GSDMA: variants seen among roughly 807,000 people sequenced by gnomAD.
GSDMA encodes the protein gasdermin A.
GSDMA carries 55 observed loss-of-function variants against 54.3 expected under a neutral mutation model. The observed-to-expected ratio is 1.01, with a 90% CI of 0.82 to 1.27. The LOEUF (loss-of-function observed/expected upper bound fraction) is 1.27. Among genes scored for constraint, GSDMA ranks in the 50% most tolerant of loss-of-function variants. The pLI is 0.00. For synonymous variants in GSDMA, 211 were observed against 224.7 expected (o/e 0.94, Z 0.54); for missense variants, 542 against 542.6 (o/e 1.00, Z 0.01).
In GSDMA at chr17:39,971,510, T is replaced by C. The variant is rs1334326923; in HGVS notation, c.559-14T>C. ...ATGTCCAGAGATTCACAAATTCTCA[T>C]TGTCTAATTCTAGGGATCCATAAAT... On this transcript the variant is annotated splice_polypyrimidine_tract_variant and intron_variant, in intron 4 of 11. Transcript: ENST00000301659. 5 of 1,600,310 alleles carry C rather than the reference T, an allele frequency of 3.1e-6. No homozygotes were observed. The highest frequency in any genetic ancestry group is 4.3e-6 in the Non-Finnish European group (5 of 1,167,696).
rs781138630 is a variant in GSDMA at position 39,971,572 on chromosome 17, C to T, written c.607C>T (p.Leu203=). ...EAVTIPKGCV[L]AFRVRQLMVK... is the part of the protein sequence containing the mutation. ...TGTAACCATCCCCAAGGGCTGCGTC[C>T]TGGCCTTTCGAGTGAGACAGCTGAT... The change falls in exon 5 of 12, where the codon CTG becomes TTG. Residue 203 remains leucine (L), a synonymous_variant. Transcript: ENST00000301659. 3 of 1,613,958 alleles carry T rather than the reference C, an allele frequency of 1.9e-6. No individual in the cohort carries two copies. The highest frequency in any genetic ancestry group is 2.5e-6 in the Non-Finnish European group (3 of 1,179,862).
chr17:39,966,060 G>A (rs941386424), intron 2 of GSDMA, among the ~76,000 whole-genome samples, 159 bp downstream of exon 2: 2 of 152,124 alleles, frequency 1.3e-5, no homozygotes, highest in African/African-American at 4.8e-5. Context: ...GTGGTCGGGG[G>A]GATACCTCTC....
In GSDMA at chr17:39,966,413, A is replaced by C; in HGVS notation, c.368A>C (p.Lys123Thr). Residue 123 changes from lysine to threonine, a missense_variant, in exon 3 of 12, where the codon AAG becomes ACG. By Grantham distance (78) the Lys-to-Thr change is moderately conservative (BLOSUM62 -1). Transcript: ENST00000301659. ...LEVQTLSVAP[K>T]ALETVQERKL... ...GTCCAGACACTCAGTGTGGCTCCCA[A>C]GGCCCTGGAGACCGTGCAGGAGAGG... is the stretch of plus-strand genomic sequence containing the variant. The C allele has an allele frequency of 6.2e-7, 1 of 1,611,146 alleles. No homozygotes were observed. Among genetic ancestry groups the C allele is most frequent in the Non-Finnish European group, 8.5e-7 (1 of 1,179,006 alleles).
rs1265511588 is a variant in GSDMA, at chr17:39,977,446, G to A, written c.*388G>A. On this transcript the variant is annotated 3_prime_UTR_variant, in exon 12 of 12. Transcript: ENST00000301659. Reference sequence around the variant, plus strand: ...AGCTGGAATTACAGGCACGTGCCACGACACCCAGCTAATTTTTGTATTTTT... The same window carrying A: ...AGCTGGAATTACAGGCACGTGCCACAACACCCAGCTAATTTTTGTATTTTT... 4.2e-5 allele frequency: 7 copies of A among 168,520 alleles called. No homozygotes were observed. The highest frequency in any genetic ancestry group is 9.0e-5 in the Non-Finnish European group (7 of 78,140). 10.4% of individuals were successfully genotyped at this position (168,520 alleles called of 1,614,324 possible). A position where few individuals can be genotyped will look rare whatever the true frequency, so the allele number is the denominator to read the frequency against.
At chr17:39,966,639 A>G (rs1979684146) in intron 3 of GSDMA, among the ~76,000 whole-genome samples, 1 of 152,128 alleles carries the variant, frequency 6.6e-6, no homozygotes, top group South Asian at 2.1e-4. Flanking sequence ...CGCTGCTGCC[A>G]CCGTCTCCAG....
At position 39,976,905 on chromosome 17, in the gene GSDMA, G is replaced by GGAGCT; in HGVS notation, c.1188_1192dup (p.Thr398SerfsTer2). 1 of 1,613,988 alleles carries GGAGCT rather than the reference G, an allele frequency of 6.2e-7. No individual in the cohort carries two copies. The highest frequency in any genetic ancestry group is 8.5e-7 in the Non-Finnish European group (1 of 1,179,898). On this transcript the variant is annotated frameshift_variant, in exon 12 of 12. Transcript: ENST00000301659. LOFTEE classifies it high-confidence loss of function. ...AGCTGCTCTCCTCCCTTGGGGACGA[G>GGAGCT]GAGCTGACCCTCACGGAGGCTCTAG...
Position 39,971,537 on chromosome 17 carries a change from A to C in GSDMA, c.572A>C (p.His191Pro). 6.2e-7 allele frequency: 1 copy of C among 1,613,310 alleles called. No homozygotes were observed. The highest frequency in any genetic ancestry group is 8.5e-7 in the Non-Finnish European group (1 of 1,179,266). The change falls in exon 5 of 12, where the codon CAC (histidine) becomes CCC (proline). Residue 191 changes from histidine (H) to proline (P), a missense_variant. His to Pro is a moderately conservative substitution (Grantham distance 77). Transcript: ENST00000301659. ...GTCTAATTCTAGGGATCCATAAATC[A>C]CAAGGAGGCTGTAACCATCCCCAAG... ...APLGLQGSIN[H>P]KEAVTIPKGC... is the part of the protein sequence containing the mutation.
At chr17:39,966,139 CT>C in intron 2 of GSDMA, 120 bp from the exon 3 acceptor site, 1 of 1,036,296 alleles carries the variant, frequency 9.6e-7, no homozygotes. Context: ...GTTGCCCAGG[CT>C]GGTTTCAAAC....
intron 3 of GSDMA, among the ~76,000 whole-genome samples, chr17:39,968,345 T>TTTTTTTTTTTTTTTTG (rs1979769725): frequency 9.0e-6 from 1 of 110,810 alleles, no homozygotes; most frequent in Non-Finnish European, 1.8e-5. Context: ...CGGTCTTTTT[T>TTTTTTTTTTTTTTTTG]TTTTTTTTTT....
At chr17:39,969,296 G>A (rs1237748235) in intron 3 of GSDMA, among the ~76,000 whole-genome samples, 1 of 149,936 alleles carries the variant, frequency 6.7e-6, no homozygotes, top group Non-Finnish European at 1.5e-5. Context: ...TCTGCAGTGA[G>A]TTATGATCGA....
intron 6 of GSDMA, 97 bp downstream of exon 6, chr17:39,972,273 C>G (rs1979988799): frequency 2.4e-6 from 2 of 842,944 alleles, no homozygotes; most frequent in Middle Eastern, 5.0e-4. Flanking sequence ...TACTATAATC[C>G]CCCAAGGAGC....
chr17:39,975,146 AT>A, intron 10 of GSDMA, 132 bp downstream of exon 10: 2 of 633,348 alleles, frequency 3.2e-6, no homozygotes, highest in South Asian at 3.5e-5. Flanking sequence ...TTATATCTAC[AT>A]TTTTATAAAT....
At chr17:39,972,533 G>T in intron 6 of GSDMA, 54 bp from the exon 7 acceptor site, 1 of 1,586,150 alleles carries the variant, frequency 6.3e-7, no homozygotes, top group Non-Finnish European at 8.6e-7. Context: ...TGTTTTAGAT[G>T]AAAAGGCAAA....
rs377712685 is a variant in GSDMA, at chr17:39,965,694, A to G, written c.7A>G (p.Met3Val). Reference protein sequence around the residue: MTMFENVTRALAR... With the variant: MTVFENVTRALAR... The stretch of plus-strand genomic sequence containing the variant: ...CCCCACCTCCACAGAGACAATGACC[A>G]TGTTTGAAAATGTCACCCGGGCCCT... The change falls in exon 2 of 12, where the codon ATG becomes GTG. Residue 3 changes from methionine (M) to valine (V), a missense_variant. Physicochemically the swap from Met to Val is conservative, Grantham distance 21 (BLOSUM62 1). Coordinates refer to ENST00000301659, the MANE Select transcript of GSDMA (RefSeq NM_178171.5). 3.0e-5 allele frequency: 48 copies of G among 1,603,770 alleles called. No individual in the cohort carries two copies. Among genetic ancestry groups the G allele is most frequent in the Non-Finnish European group, 3.8e-5 (45 of 1,175,430 alleles).
In GSDMA at chr17:39,974,388, TC is replaced by T; in HGVS notation, c.868del (p.Leu290Ter). 1 of 1,593,392 alleles carries T rather than the reference TC, an allele frequency of 6.3e-7. No homozygotes were observed. The highest frequency in any genetic ancestry group is 8.5e-7 in the Non-Finnish European group (1 of 1,170,144). Reference protein sequence around the residue: ...SSLLSSLSKLLGKKKELQDLE... With the variant: ...SSLLSSLSKLXGKKKELQDLE... ...CCCTGCTCAGCTCCCTCAGCAAACT[TC>T]TAGGGAAGAAAAAGGAGCTACAAGA... is the stretch of plus-strand genomic sequence containing the variant. On this transcript the variant is annotated frameshift_variant, in exon 9 of 12. Transcript: ENST00000301659. LOFTEE classifies it high-confidence loss of function.
At chr17:39,971,823 CT>C (rs1439873803) in intron 5 of GSDMA, among the ~76,000 whole-genome samples, 2 of 152,100 alleles carry the variant, frequency 1.3e-5, no homozygotes, top group African/African-American at 4.8e-5. Flanking sequence ...GTGCTGGGCA[CT>C]GTGGTTATTG....
chr17:39,968,291 C>T (rs1392636631), intron 3 of GSDMA, among the ~76,000 whole-genome samples: 1 of 148,692 alleles, frequency 6.7e-6, no homozygotes, highest in African/African-American at 2.5e-5. Flanking sequence ...CCGCCTGCCT[C>T]AGCCCCCAAA....
At chr17:39,975,857 C>T (rs1234660316) in intron 10 of GSDMA, 67 bp from the exon 11 acceptor site, 8 of 1,150,018 alleles carry the variant, frequency 7.0e-6, no homozygotes, top group Admixed American at 4.2e-5. Context: ...TCTGGAAGTG[C>T]GCTATTTGGA....
chr17:39,970,777 G>A, intron 4 of GSDMA, 130 bp downstream of exon 4: 2 of 717,274 alleles, frequency 2.8e-6, no homozygotes, highest in Non-Finnish European at 3.8e-6. Context: ...CGAGGATGCT[G>A]AAAAGGGCCA....
Sources: gnomAD v4.1 joint callset for allele counts (sites outside exome capture counted in the v4.1 genomes callset) on GRCh38, gnomAD v4.1.1 for gene constraint, MANE v1.5 for transcripts, NCBI Gene and HGNC (gene_info 2026-07-23, HGNC 2026-07-21) for gene names.